PLXNB3: variants seen among roughly 807,000 people sequenced by gnomAD.
The protein encoded by PLXNB3 is plexin B3.
PLXNB3 carries 80 observed loss-of-function variants against 125.7 expected under a neutral mutation model. The ratio of observed to expected loss-of-function variants is 0.64; its 90% CI spans 0.53 to 0.77. The LOEUF is 0.77. Among genes scored for constraint, PLXNB3 ranks in the 30% least tolerant of loss-of-function variants. The probability of loss-of-function intolerance (pLI) is 0.00; values close to 1 mark genes in which losing one functional copy is unlikely to be tolerated. For missense variants in PLXNB3, 1,836 were observed against 1,729.3 expected (o/e 1.06, Z -1.09); for synonymous variants, 954 against 783.3 (o/e 1.22, Z -3.64).
At chrX:153,768,466 C>T (rs782257863) in intron 4 of PLXNB3, 38 bp downstream of exon 4, 5 of 1,137,325 alleles carry the variant, frequency 4.4e-6, no homozygotes, top group Non-Finnish European at 5.9e-6. Flanking sequence ...GGGTGTGCCC[C>T]TGGCCACGGA....
chrX:153,770,339 C>T lies in PLXNB3; in HGVS notation c.1788C>T (p.Asp596=), dbSNP rs1557061235. Residue 596 remains aspartate (D), a splice_region_variant and synonymous_variant, in exon 9 of 36, where the codon GAC becomes GAT. Transcript: ENST00000361971. ...CCTGCCCCCACTGTCCCCTCCCAGA[C>T]CACGTCACTGTGCCCCTGGCCCTGA... ...DQVPLNPPGT[D]HVTVPLALMF... The T allele has an allele frequency of 9.1e-6, 11 of 1,207,804 alleles. No homozygotes were observed. The highest frequency in any genetic ancestry group is 1.2e-5 in the Non-Finnish European group (11 of 892,568).
rs1258585041 is a variant in PLXNB3, at chrX:153,765,926, T to C, written c.45+346T>C. 4 of 752,129 alleles carry C rather than the reference T, an allele frequency of 5.3e-6. No homozygotes were observed. The African/African-American group carries it at 9.3e-5, about 17-fold the overall frequency. 62.0% of individuals were successfully genotyped at this position (752,129 alleles called of 1,213,427 possible). ...TCACCCTCGGGGGCTCACCCCGGGG[T>C]CCCACCAGGCACACCCAGGAACCAT... is the stretch of plus-strand genomic sequence containing the variant. On this transcript the variant is annotated intron_variant, in intron 2 of 35. Coordinates refer to ENST00000361971, the MANE Select transcript of PLXNB3 (RefSeq NM_005393.3).
rs1557063533 is a variant in PLXNB3, at chrX:153,774,983, T to G, written c.4035T>G (p.His1345Gln). ...CCGAGCGCGCCTTCTTCCCTGGCCA[T>G]GGCGGTTGCCCGCTGCAGCCCAAGC... ...TYAERAFFPG[H>Q]GGCPLQPKPE... The change falls in exon 24 of 36, where the codon CAT becomes CAG. Residue 1345 changes from histidine to glutamine, a missense_variant. His to Gln is a conservative substitution (Grantham distance 24). Coordinates refer to ENST00000361971, the MANE Select transcript of PLXNB3 (RefSeq NM_005393.3). The G allele has an allele frequency of 8.3e-7, 1 of 1,199,604 alleles. No individual in the cohort carries two copies.
rs1349983136 is a variant in PLXNB3 at position 153,768,240 on chromosome X, G to A, written c.1087-9G>A. The A allele has an allele frequency of 1.9e-5, 22 of 1,175,669 alleles. No homozygotes were observed. Among genetic ancestry groups the A allele is most frequent in the Middle Eastern group, 2.4e-4 (1 of 4,223 alleles). ...TCCGGGGGCTGATTCTCCACTTCCT[G>A]CCACGTAGGATTCCCCCGAGTCGTA... On this transcript the variant is annotated splice_polypyrimidine_tract_variant and intron_variant, in intron 3 of 35. Coordinates refer to ENST00000361971, the MANE Select transcript of PLXNB3 (RefSeq NM_005393.3).
rs1020728804 is a variant in PLXNB3, at chrX:153,770,600, G to A, written c.1968G>A (p.Glu656=). ...CPQSSHCVYG[E]HCPEGERTIY... is the part of the protein sequence containing the mutation. ...AGAGTAGCCACTGCGTGTACGGAGA[G>A]CACTGCCCAGAGGGCGAGAGGACCA... Residue 656 remains glutamate, a synonymous_variant, in exon 10 of 36, where the codon GAG becomes GAA. Coordinates refer to ENST00000361971, the MANE Select transcript of PLXNB3 (RefSeq NM_005393.3). 9 of 1,211,437 alleles carry A rather than the reference G, an allele frequency of 7.4e-6. No homozygotes were observed. The highest frequency in any genetic ancestry group is 5.9e-5 in the East Asian group (2 of 33,865).
intron 3 of PLXNB3, 129 bp downstream of exon 3, chrX:153,768,042 T>C: frequency 1.3e-6 from 1 of 779,058 alleles, no homozygotes; most frequent in Non-Finnish European, 1.8e-6. Flanking sequence ...TCTCCAGGTC[T>C]CCTGCCTGCT....
rs898341801 is a variant in PLXNB3, at chrX:153,778,388, T to C, written c.5475-8T>C. ...CTGCCCCACCCCTAACGAAGTCTGC[T>C]CCTCCAGGTACTATGCGGACATTCG... On this transcript the variant is annotated splice_region_variant and splice_polypyrimidine_tract_variant and intron_variant, in intron 33 of 35. Transcript: ENST00000361971. 8.3e-7 allele frequency: 1 copy of C among 1,210,961 alleles called. No homozygotes were observed. The highest frequency in any genetic ancestry group is 1.1e-6 in the Non-Finnish European group (1 of 895,214).
At position 153,774,098 on chromosome X, in the gene PLXNB3, G is replaced by A; in HGVS notation, c.3519G>A (p.Glu1173=). Reference sequence around the variant, plus strand: ...AGCCAGGCCATGTCCTGGATGTGGAGGTGAGGGCCACCTTCAACCCTGCCC... The same window carrying A: ...AGCCAGGCCATGTCCTGGATGTGGAAGTGAGGGCCACCTTCAACCCTGCCC... ...RLKPGHVLDV[E]GEGLNLGISK... Residue 1173 remains glutamate (E), a splice_region_variant and synonymous_variant, in exon 20 of 36, where the codon GAG becomes GAA. Transcript: ENST00000361971. 2.5e-6 allele frequency: 3 copies of A among 1,191,204 alleles called. No individual in the cohort carries two copies. Among genetic ancestry groups the A allele is most frequent in the Non-Finnish European group, 3.4e-6 (3 of 886,074 alleles).
intron 6 of PLXNB3, among the ~76,000 whole-genome samples, chrX:153,769,569 C>T (rs2091900706): frequency 8.8e-6 from 1 of 113,073 alleles, no homozygotes; most frequent in Non-Finnish European, 1.9e-5. Context: ...TTAAGGCAGC[C>T]CTGAGTCACT....
Position 153,770,249 on chromosome X carries a change from G to A in PLXNB3, c.1786+1G>A, listed in dbSNP as rs1168418120. The A allele has an allele frequency of 5.8e-6, 7 of 1,209,311 alleles. No individual in the cohort carries two copies. Among genetic ancestry groups the A allele is most frequent in the Non-Finnish European group, 6.7e-6 (6 of 894,963 alleles). On this transcript the variant is annotated splice_donor_variant, in intron 8 of 35. Coordinates refer to ENST00000361971, the MANE Select transcript of PLXNB3 (RefSeq NM_005393.3). LOFTEE classifies it high-confidence loss of function. ...GTGCCACTTAACCCTCCAGGCACAGGTGAGTGGCCCATGGGGTAGGGGGCT... is the reference window on the plus strand; with the variant it reads ...GTGCCACTTAACCCTCCAGGCACAGATGAGTGGCCCATGGGGTAGGGGGCT...
Position 153,776,449 on chromosome X carries a change from AACACT to A in PLXNB3, c.4827_4831del (p.His1609GlnfsTer120), listed in dbSNP as rs868939881. On this transcript the variant is annotated frameshift_variant, in exon 28 of 36. Transcript: ENST00000361971. LOFTEE classifies it high-confidence loss of function. ...CACTGGAAGAGACTCAACACCTTGC[AACACT>A]ACAAGGTGTGAGCAGGGACGGGGCG... 9.0e-7 allele frequency: 1 copy of A among 1,109,643 alleles called. No homozygotes were observed. Among genetic ancestry groups the A allele is most frequent in the Non-Finnish European group, 1.2e-6 (1 of 823,418 alleles). 91.4% of individuals were successfully genotyped at this position (1,109,643 alleles called of 1,213,427 possible). A position where few individuals can be genotyped will look rare whatever the true frequency, so the allele number is the denominator to read the frequency against.
At chrX:153,772,332 G>C in intron 16 of PLXNB3, 45 bp downstream of exon 16, 1 of 975,547 alleles carries the variant, frequency 1.0e-6, no homozygotes, top group Non-Finnish European at 1.4e-6. Flanking sequence ...AGGGTAGGAG[G>C]GAGGGCCAGG....
chrX:153,771,707 G>T, intron 14 of PLXNB3, 52 bp downstream of exon 14: 1 of 1,131,158 alleles, frequency 8.8e-7, no homozygotes, highest in Non-Finnish European at 1.2e-6. Flanking sequence ...CTCCTGCCCC[G>T]CACTGTCCTG....
intron 2 of PLXNB3, chrX:153,766,539 G>A (rs926073448): frequency 3.7e-5 from 38 of 1,031,549 alleles, no homozygotes; most frequent in Middle Eastern, 3.2e-4. Context: ...GCGCTCTTGC[G>A]GCTTTCCAGG....
chrX:153,773,172 G>A, intron 17 of PLXNB3, 58 bp from the exon 18 acceptor site: 1 of 1,133,669 alleles, frequency 8.8e-7, no homozygotes, highest in South Asian at 2.1e-5. Flanking sequence ...GGTTGGGCCA[G>A]GGCTGGGGTA....
Position 153,771,345 on chromosome X carries a change from G to A in PLXNB3, c.2289G>A (p.Val763=). 8.3e-7 allele frequency: 1 copy of A among 1,210,490 alleles called. No individual in the cohort carries two copies. The highest frequency in any genetic ancestry group is 1.1e-6 in the Non-Finnish European group (1 of 894,538). ...YPSMSQRELP[V]PIYVTQGEAQ... is the part of the protein sequence containing the mutation. ...CCATGTCCCAGCGGGAGCTCCCAGT[G>A]CCCATCTACGTCACCCAGGGTGAAG... Residue 763 remains valine (V), a synonymous_variant, in exon 13 of 36, where the codon GTG becomes GTA. Coordinates refer to ENST00000361971, the MANE Select transcript of PLXNB3 (RefSeq NM_005393.3).
At chrX:153,766,353 T>C in intron 2 of PLXNB3, 1 of 1,133,199 alleles carries the variant, frequency 8.8e-7, no homozygotes, top group Non-Finnish European at 1.2e-6. Flanking sequence ...TCTGGTCCCT[T>C]GGGGCACACG....
intron 16 of PLXNB3, 82 bp from the exon 17 acceptor site, chrX:153,772,804 C>G (rs980049012): frequency 4.4e-5 from 46 of 1,042,775 alleles, no homozygotes; most frequent in Non-Finnish European, 5.4e-5. Context: ...CGCTTCAGAA[C>G]CGGAGGGCCT....
At chrX:153,766,464 G>GCCTC in intron 2 of PLXNB3, 1 of 1,070,038 alleles carries the variant, frequency 9.3e-7, no homozygotes, top group Non-Finnish European at 1.2e-6. Flanking sequence ...AGCTCCCGCG[G>GCCTC]CCTCCCTCCC....
Sources: allele counts gnomAD v4.1 joint callset (sites outside exome capture counted in the v4.1 genomes callset), GRCh38; gene constraint gnomAD v4.1.1; transcripts MANE v1.5; gene names NCBI Gene and HGNC (gene_info 2026-07-23, HGNC 2026-07-21).